The following KLHDC10 variants were observed in gnomAD, a reference collection of about 807,000 sequenced individuals.
KLHDC10 encodes the protein kelch domain-containing protein 10.
A neutral mutation model predicts 56.1 loss-of-function variants in KLHDC10; 24 were observed. The ratio of observed to expected loss-of-function variants is 0.43; its 90% confidence interval spans 0.31 to 0.60. The LOEUF (loss-of-function observed/expected upper bound fraction) is 0.60, where lower values mean the gene tolerates loss of function less well. KLHDC10 is among the 20% of genes least tolerant of loss of function. The pLI is 0.11. For synonymous variants in KLHDC10, 188 were observed against 207.1 expected (o/e 0.91, Z 0.79); for missense variants, 349 against 567.0 (o/e 0.62, Z 3.91).
At chr7:130,074,764 C>T (rs910167636) in intron 1 of KLHDC10, among the ~76,000 whole-genome samples, 6 of 151,934 alleles carry the variant, frequency 3.9e-5, no homozygotes, top group Non-Finnish European at 5.9e-5. Flanking sequence ...TATAGGTGCG[C>T]GCCACTGTGC....
chr7:130,128,889 A>AAAAAAAATAT, intron 8 of KLHDC10, among the ~76,000 whole-genome samples: 17 of 66,956 alleles, frequency 2.5e-4, no homozygotes, highest in African/African-American at 8.1e-4. Context: ...AAAAAAAAAA[A>AAAAAAAATAT]ATATATATAT....
chr7:130,089,446 CA>C (rs544544981), intron 1 of KLHDC10, among the ~76,000 whole-genome samples: 5 of 150,666 alleles, frequency 3.3e-5, no homozygotes, highest in African/African-American at 1.2e-4. Context: ...CATGCCCCGC[CA>C]AAAAAAAGAG....
At chr7:130,124,673 ATGC>A in intron 6 of KLHDC10, 138 bp downstream of exon 6, 1 of 563,506 alleles carries the variant, frequency 1.8e-6, no homozygotes, top group Non-Finnish European at 3.2e-6. Context: ...TTTGTGTTGG[ATGC>A]ACTTTATAAG....
At chr7:130,126,656 A>G (rs992606617) in intron 7 of KLHDC10, among the ~76,000 whole-genome samples, 1 of 152,170 alleles carries the variant, frequency 6.6e-6, no homozygotes, top group Non-Finnish European at 1.5e-5. Flanking sequence ...AACCTGGGAG[A>G]CAGAGCAAGA....
chr7:130,077,456 A>G (rs1031855705), intron 1 of KLHDC10, among the ~76,000 whole-genome samples: 1 of 145,588 alleles, frequency 6.9e-6, no homozygotes, highest in Non-Finnish European at 1.5e-5. Context: ...ATTTTTTTAT[A>G]TAGGCCTCAC....
intron 8 of KLHDC10, 132 bp from the exon 9 acceptor site, chr7:130,129,305 A>C: frequency 2.2e-6 from 2 of 910,672 alleles, no homozygotes; most frequent in Non-Finnish European, 3.4e-6. Flanking sequence ...GCTGCACAGC[A>C]GAAGTCGTCT....
chr7:130,080,794 C>G (rs1445851042), intron 1 of KLHDC10, among the ~76,000 whole-genome samples: 1 of 152,040 alleles, frequency 6.6e-6, no homozygotes, highest in East Asian at 1.9e-4. Context: ...CCCAGTTCAT[C>G]CAGATTTTCA....
chr7:130,070,538 C>T lies in KLHDC10; in HGVS notation c.-106C>T, dbSNP rs906628434. On this transcript the variant is annotated 5_prime_UTR_variant, in exon 1 of 10. Coordinates refer to ENST00000335420, the MANE Select transcript of KLHDC10 (RefSeq NM_014997.4). ...TCTCTGGTGGGACCGGGCGCTGCCC[C>T]CTTCCCCTGTCTCCTGGGTCTCTGG... 2.1e-5 allele frequency: 23 copies of T among 1,115,874 alleles called. No individual in the cohort carries two copies. The highest frequency in any genetic ancestry group is 8.9e-5 in the South Asian group (2 of 22,516). The allele number at this position is 1,115,874 out of a possible 1,614,324, so 69.1% of individuals were successfully genotyped here.
intron 1 of KLHDC10, among the ~76,000 whole-genome samples, chr7:130,077,070 T>C (rs543584673): frequency 6.6e-6 from 1 of 152,178 alleles, no homozygotes; most frequent in Non-Finnish European, 1.5e-5. Context: ...GAACAGTATA[T>C]GTGGCCAGGC....
At chr7:130,129,177 G>A (rs1266105965) in intron 8 of KLHDC10, among the ~76,000 whole-genome samples, 1 of 151,994 alleles carries the variant, frequency 6.6e-6, no homozygotes, top group African/African-American at 2.4e-5. Flanking sequence ...CTGTAGGTAT[G>A]TGTTTGAATT....
chr7:130,086,518 T>G (rs1795692131), intron 1 of KLHDC10, among the ~76,000 whole-genome samples: 1 of 152,244 alleles, frequency 6.6e-6, no homozygotes, highest in Non-Finnish European at 1.5e-5. Flanking sequence ...GTTTCTGGTC[T>G]GTCTTTCCAG....
chr7:130,088,208 G>T (rs966248881), intron 1 of KLHDC10, among the ~76,000 whole-genome samples: 3 of 152,032 alleles, frequency 2.0e-5, no homozygotes, highest in African/African-American at 7.2e-5. Context: ...TTCTTGGAAG[G>T]CATTGCATTT....
At chr7:130,128,562 T>G (rs1796343536) in intron 8 of KLHDC10, among the ~76,000 whole-genome samples, 2 of 152,094 alleles carry the variant, frequency 1.3e-5, no homozygotes, top group African/African-American at 4.8e-5. Flanking sequence ...TGGAAGAGCC[T>G]CTTTTGTGTT....
In KLHDC10 at chr7:130,125,878, A is replaced by G; in HGVS notation, c.878A>G (p.Asn293Ser). 2 of 1,603,682 alleles carry G rather than the reference A, an allele frequency of 1.2e-6. No homozygotes were observed. Among genetic ancestry groups the G allele is most frequent in the Non-Finnish European group, 1.7e-6 (2 of 1,177,364 alleles). The change falls in exon 7 of 10, where the codon AAC becomes AGC. Residue 293 changes from asparagine to serine, a missense_variant. Physicochemically the swap from Asn to Ser is conservative, Grantham distance 46. This residue lies in a region of KLHDC10 where 245 missense variants were observed against 470.1 expected (regional missense o/e 0.52). Coordinates refer to ENST00000335420, the MANE Select transcript of KLHDC10 (RefSeq NM_014997.4). ...AYSLNKIHAY[N>S]LETNAWEEIA... Reference sequence around the variant, plus strand: ...TTTTTCTCCAAGATCCATGCATACAACCTTGAAACGAATGCCTGGGAGGAA... The same window carrying G: ...TTTTTCTCCAAGATCCATGCATACAGCCTTGAAACGAATGCCTGGGAGGAA...
At chr7:130,071,997 A>T (rs1395164012) in intron 1 of KLHDC10, among the ~76,000 whole-genome samples, 1 of 152,216 alleles carries the variant, frequency 6.6e-6, no homozygotes, top group Non-Finnish European at 1.5e-5. Flanking sequence ...TATGCATTAA[A>T]TCGAGGCATT....
intron 1 of KLHDC10, among the ~76,000 whole-genome samples, chr7:130,088,252 G>A (rs1795718616): frequency 6.6e-6 from 1 of 151,802 alleles, no homozygotes; most frequent in East Asian, 1.9e-4. Context: ...AAGGGAAAGT[G>A]AGTTCATAAA....
intron 1 of KLHDC10, among the ~76,000 whole-genome samples, chr7:130,095,173 C>T (rs1795831727): frequency 6.6e-6 from 1 of 151,808 alleles, no homozygotes; most frequent in Admixed American, 6.6e-5. Flanking sequence ...CAATGGTTCT[C>T]TAAGATTGTT....
chr7:130,074,029 T>A (rs1375066378), intron 1 of KLHDC10, among the ~76,000 whole-genome samples: 2 of 152,224 alleles, frequency 1.3e-5, no homozygotes, highest in Non-Finnish European at 1.5e-5. Context: ...ACAACCTTTT[T>A]ATTGCTCTTA....
intron 1 of KLHDC10, among the ~76,000 whole-genome samples, chr7:130,096,300 T>C (rs929828197): frequency 6.6e-6 from 1 of 152,118 alleles, no homozygotes; most frequent in African/African-American, 2.4e-5. Flanking sequence ...AGAAAACATA[T>C]TTTAATTGGG....
Sources: allele counts gnomAD v4.1 joint callset (sites outside exome capture counted in the v4.1 genomes callset), GRCh38; gene constraint gnomAD v4.1.1; regional missense constraint gnomAD v4.1.1; transcripts MANE v1.5; gene names NCBI Gene and HGNC (gene_info 2026-07-23, HGNC 2026-07-21).